SEMA5A: variants seen among roughly 807,000 people sequenced by gnomAD.
SEMA5A encodes the protein semaphorin 5A, also known as semaphorin-5A.
Under a neutral mutation model 135.5 loss-of-function variants are expected in SEMA5A, and 55 were observed. That is an observed-to-expected ratio of 0.41 (90% CI 0.33 to 0.51). The LOEUF (loss-of-function observed/expected upper bound fraction) is 0.51. SEMA5A is among the 20% of genes least tolerant of loss of function. The pLI, the probability that SEMA5A is intolerant of heterozygous loss-of-function variation, is 0.37. For missense variants in SEMA5A, 1,290 were observed against 1,419.9 expected (o/e 0.91, Z 1.47); for synonymous variants, 580 against 546.5 (o/e 1.06, Z -0.85).
At chr5:9,067,992 GTTATTGTATGCTATTC>G (rs1247989643) in intron 16 of SEMA5A, among the ~76,000 whole-genome samples, 4 of 151,698 alleles carry the variant, frequency 2.6e-5, no homozygotes, top group African/African-American at 9.7e-5. Context: ...ATTATTCCCT[GTTATTGTATGCTATTC>G]TTATTTTTTT....
intron 5 of SEMA5A, among the ~76,000 whole-genome samples, chr5:9,302,208 A>G (rs917124786): frequency 2.6e-5 from 4 of 152,216 alleles, no homozygotes; most frequent in African/African-American, 9.6e-5. Flanking sequence ...ATATAATCAC[A>G]TCTTTGCCAT....
At chr5:9,352,760 C>T (rs1754184382) in intron 3 of SEMA5A, among the ~76,000 whole-genome samples, 1 of 152,188 alleles carries the variant, frequency 6.6e-6, no homozygotes, top group Admixed American at 6.5e-5. Flanking sequence ...TGGGCCCAAT[C>T]TATCCCATCA....
intron 1 of SEMA5A, among the ~76,000 whole-genome samples, chr5:9,534,243 C>T (rs1561329437): frequency 6.6e-6 from 1 of 152,192 alleles, no homozygotes; most frequent in Non-Finnish European, 1.5e-5. Context: ...TCCCCCGACT[C>T]TTAATGATGA....
intron 1 of SEMA5A, among the ~76,000 whole-genome samples, chr5:9,461,962 A>T (rs923176260): frequency 3.3e-5 from 5 of 152,210 alleles, no homozygotes; most frequent in Non-Finnish European, 7.3e-5. Flanking sequence ...GATCAAAGAG[A>T]CACTGAAACT....
Position 9,224,703 on chromosome 5 carries a change from G to A in SEMA5A, c.617C>T (p.Thr206Met). 5 of 1,614,184 alleles carry A rather than the reference G, an allele frequency of 3.1e-6. No individual in the cohort carries two copies. Among genetic ancestry groups the A allele is most frequent in the Non-Finnish European group, 4.2e-6 (5 of 1,180,026 alleles). Residue 206 changes from threonine to methionine, a missense_variant, in exon 8 of 23, where the codon ACG becomes ATG. By Grantham distance (81) the Thr-to-Met change is moderately conservative (BLOSUM62 -1). Transcript: ENST00000382496. ...GAGCCATTTGGAGTTGTACTGCGCC[G>A]TGCGGAGAGGAGGTAAAATGCCTAG... ...RSLGILPPLR[T>M]AQYNSKWLNE...
chr5:9,278,348 G>C (rs911211961), intron 5 of SEMA5A, among the ~76,000 whole-genome samples: 2 of 152,148 alleles, frequency 1.3e-5, no homozygotes, highest in Non-Finnish European at 2.9e-5. Flanking sequence ...GTTTCTAAAA[G>C]TGTATGTTCA....
At position 9,380,059 on chromosome 5, in the gene SEMA5A, G is replaced by A. The variant is rs947101063; in HGVS notation, c.-77-36C>T. 3.6e-6 allele frequency: 5 copies of A among 1,401,820 alleles called. No individual in the cohort carries two copies. In the East Asian group the frequency reaches 1.2e-4, roughly 33 times the overall value. 86.8% of individuals were successfully genotyped at this position (1,401,820 alleles called of 1,614,324 possible). A position where few individuals can be genotyped will look rare whatever the true frequency, so the allele number is the denominator to read the frequency against. ...CAAAAGAGAAGAATCAGATGACTGT[G>A]AGTTCGTTTTCTGGTGGGTGGTCTT... On this transcript the variant is annotated intron_variant, in intron 2 of 22. Transcript: ENST00000382496.
chr5:9,112,831 C>A lies in SEMA5A; in HGVS notation c.1926-4544G>T, dbSNP rs985988340. ...ATATGTGAAAGATTTTGGAATGTCA[C>A]TTCTGTCATTATGTTACATAGATTG... is the stretch of plus-strand genomic sequence containing the variant. On this transcript the variant is annotated intron_variant, in intron 15 of 22. Coordinates refer to ENST00000382496, the MANE Select transcript of SEMA5A (RefSeq NM_003966.3). 2.0e-5 allele frequency among the ~76,000 whole-genome samples: 3 copies of A among 152,316 alleles called. No homozygotes were observed. In the East Asian group the frequency reaches 5.8e-4, roughly 29 times the overall value.
chr5:9,042,176 CA>C lies in SEMA5A; in HGVS notation c.*720del, dbSNP rs1286960927. On this transcript the variant is annotated 3_prime_UTR_variant, in exon 23 of 23. Transcript: ENST00000382496. The stretch of plus-strand genomic sequence containing the variant: ...AAAAGTCAGAATAAGGTGAGTTTTG[CA>C]GCAACCTGCAGAACACATCCACGCT... 1 of 152,312 alleles carries C rather than the reference CA, an allele frequency of 6.6e-6. No homozygotes were observed. The highest frequency in any genetic ancestry group is 1.5e-5 in the Non-Finnish European group (1 of 68,060). 9.4% of individuals were successfully genotyped at this position (152,312 alleles called of 1,614,324 possible).
intron 2 of SEMA5A, among the ~76,000 whole-genome samples, chr5:9,394,250 T>C (rs937801704): frequency 1.1e-4 from 17 of 151,780 alleles, no homozygotes; most frequent in Non-Finnish European, 2.5e-4. Flanking sequence ...TGGAACACAC[T>C]CCCCCATGTC....
In SEMA5A at chr5:9,259,542, G is replaced by A. The variant is rs185083038; in HGVS notation, c.271-21652C>T. 8.3e-3 allele frequency among the ~76,000 whole-genome samples: 1,260 copies of A among 151,700 alleles called. 15 individuals carry two copies. Among genetic ancestry groups the A allele is most frequent in the African/African-American group, 0.029 (1,202 of 41,326 alleles). On this transcript the variant is annotated intron_variant, in intron 5 of 22. Transcript: ENST00000382496. ...AATGTATATTCTGTTGATTTGGGGT[G>A]GAGAGTTCTGTAGATGTCTATTAGG...
intron 11 of SEMA5A, among the ~76,000 whole-genome samples, chr5:9,183,311 C>T (rs1285336156): frequency 6.6e-6 from 1 of 152,176 alleles, no homozygotes; most frequent in Admixed American, 6.5e-5. Context: ...TTGCGTTCTG[C>T]CCATACCCGA....
chr5:9,053,514 G>A (rs1184160209), intron 19 of SEMA5A, among the ~76,000 whole-genome samples: 2 of 152,126 alleles, frequency 1.3e-5, no homozygotes, highest in East Asian at 1.9e-4. Flanking sequence ...TCCTGCAAGA[G>A]TGCTTAGTGT....
At chr5:9,239,795 TAA>T (rs1579688288) in intron 5 of SEMA5A, among the ~76,000 whole-genome samples, 1 of 152,210 alleles carries the variant, frequency 6.6e-6, no homozygotes, top group East Asian at 1.9e-4. Context: ...ATACTTTAGA[TAA>T]AGAGTCATTC....
At chr5:9,322,997 G>C (rs1280448998) in intron 4 of SEMA5A, among the ~76,000 whole-genome samples, 1 of 152,170 alleles carries the variant, frequency 6.6e-6, no homozygotes, top group Non-Finnish European at 1.5e-5. Flanking sequence ...TCACCTCTGG[G>C]ACTGTGATCT....
At chr5:9,330,498 C>A (rs1048216237) in intron 4 of SEMA5A, among the ~76,000 whole-genome samples, 5 of 151,446 alleles carry the variant, frequency 3.3e-5, no homozygotes, top group Non-Finnish European at 5.9e-5. Flanking sequence ...GAAATCTTTC[C>A]CAGGCATGTC....
At chr5:9,093,963 T>C (rs1739181521) in intron 16 of SEMA5A, among the ~76,000 whole-genome samples, 1 of 152,120 alleles carries the variant, frequency 6.6e-6, no homozygotes, top group Non-Finnish European at 1.5e-5. Flanking sequence ...TTGGTGCCCT[T>C]GACCCTCCAC....
At chr5:9,064,066 G>C (rs903540118) in intron 17 of SEMA5A, among the ~76,000 whole-genome samples, 1 of 152,216 alleles carries the variant, frequency 6.6e-6, no homozygotes, top group Non-Finnish European at 1.5e-5. Context: ...ACAGCTCTCA[G>C]TGTTGTTAAG....
At chr5:9,057,824 C>T (rs1439709101) in intron 18 of SEMA5A, among the ~76,000 whole-genome samples, 1 of 152,238 alleles carries the variant, frequency 6.6e-6, no homozygotes, top group Non-Finnish European at 1.5e-5. Context: ...TAATGCGGTG[C>T]TTGCTTTCTG....
Sources: allele counts gnomAD v4.1 joint callset (sites outside exome capture counted in the v4.1 genomes callset), GRCh38; gene constraint gnomAD v4.1.1; transcripts MANE v1.5; gene names NCBI Gene and HGNC (gene_info 2026-07-23, HGNC 2026-07-21).